MARK1: variants seen among roughly 807,000 people sequenced by gnomAD.
MARK1 encodes the protein microtubule affinity regulating kinase 1, also known as serine/threonine-protein kinase MARK1.
A neutral mutation model predicts 96.3 loss-of-function variants in MARK1; 40 were observed. The observed-to-expected ratio is 0.42, with a 90% CI of 0.32 to 0.54. The LOEUF (loss-of-function observed/expected upper bound fraction) is 0.54. Ranked by LOEUF, MARK1 falls within the 20% of genes least tolerant of loss-of-function variation. The pLI is 0.16. For synonymous variants in MARK1, 317 were observed against 341.2 expected (o/e 0.93, Z 0.78); for missense variants, 719 against 984.6 (o/e 0.73, Z 3.61).
intron 9 of MARK1, chr1:220,626,119 A>T: frequency 1.6e-6 from 1 of 617,264 alleles, no homozygotes; most frequent in Non-Finnish European, 3.1e-6. Flanking sequence ...TAAGCAGCAG[A>T]TAGACATCGC....
At chr1:220,545,772 C>G (rs1661450736) in intron 1 of MARK1, among the ~76,000 whole-genome samples, 1 of 152,120 alleles carries the variant, frequency 6.6e-6, no homozygotes, top group South Asian at 2.1e-4. Context: ...TTTATATACA[C>G]TTTATCTGGC....
chr1:220,626,065 C>T (rs892854006), intron 9 of MARK1: 1 of 582,256 alleles, frequency 1.7e-6, no homozygotes, highest in Non-Finnish European at 3.3e-6. Context: ...TGAATTCTTA[C>T]AGTTGTCTAC....
At position 220,610,028 on chromosome 1, in the gene MARK1, T is replaced by G. The variant is rs139135478; in HGVS notation, c.495+5891T>G. Among the ~76,000 whole-genome samples, 6 of 152,338 alleles carry G rather than the reference T, an allele frequency of 3.9e-5. 1 individual carries two copies. In the East Asian group the frequency reaches 9.6e-4, roughly 24 times the overall value. On this transcript the variant is annotated intron_variant, in intron 6 of 17. Transcript: ENST00000366917. The stretch of plus-strand genomic sequence containing the variant: ...TTGGTGAATCTGACAATTATGTGTC[T>G]TGGGGTTGTTCTTCTCAAGGAGTAT...
intron 9 of MARK1, among the ~76,000 whole-genome samples, chr1:220,619,134 A>G (rs1449023090): frequency 6.6e-6 from 1 of 152,226 alleles, no homozygotes; most frequent in East Asian, 1.9e-4. Context: ...TGAAAATTCT[A>G]ATCTAATGAA....
intron 1 of MARK1, among the ~76,000 whole-genome samples, chr1:220,558,612 C>A (rs1662455092): frequency 6.6e-6 from 1 of 151,646 alleles, no homozygotes; most frequent in South Asian, 2.1e-4. Context: ...AAGGCCATTA[C>A]CCTAAATAAT....
intron 10 of MARK1, 72 bp downstream of exon 10, chr1:220,631,206 G>C (rs1237741504): frequency 1.1e-6 from 1 of 893,260 alleles, no homozygotes; most frequent in Non-Finnish European, 1.8e-6. Flanking sequence ...TGCCAAAATA[G>C]TGTTTAAGAG....
At chr1:220,590,459 CTT>C (rs1305493677) in intron 3 of MARK1, among the ~76,000 whole-genome samples, 1 of 152,102 alleles carries the variant, frequency 6.6e-6, no homozygotes, top group South Asian at 2.1e-4. Flanking sequence ...ATTTCTCCCT[CTT>C]TTTAGGACAC....
At chr1:220,533,447 C>T (rs1339530049) in intron 1 of MARK1, among the ~76,000 whole-genome samples, 1 of 151,808 alleles carries the variant, frequency 6.6e-6, no homozygotes, top group African/African-American at 2.4e-5. Context: ...TATTATTTTT[C>T]CTCTTCCATC....
At chr1:220,657,724 G>A in intron 16 of MARK1, 66 bp from the exon 17 acceptor site, 2 of 1,153,000 alleles carry the variant, frequency 1.7e-6, no homozygotes, top group South Asian at 3.2e-5. Context: ...AATAATTTTA[G>A]ATATAGGTTT....
intron 14 of MARK1, among the ~76,000 whole-genome samples, chr1:220,651,673 G>T (rs1239666353): frequency 6.6e-6 from 1 of 152,116 alleles, no homozygotes; most frequent in East Asian, 1.9e-4. Context: ...AATGACTCCA[G>T]TCATAATAAT....
chr1:220,536,781 A>G (rs1270713314), intron 1 of MARK1, among the ~76,000 whole-genome samples: 1 of 152,148 alleles, frequency 6.6e-6, no homozygotes, highest in Admixed American at 6.5e-5. Flanking sequence ...AGGTTTCGCC[A>G]TGTTGGCCAG....
intron 1 of MARK1, among the ~76,000 whole-genome samples, chr1:220,538,856 T>G (rs1660914247): frequency 6.7e-6 from 1 of 150,170 alleles, no homozygotes; most frequent in Non-Finnish European, 1.5e-5. Context: ...CACTCATGAT[T>G]TGGCTCTCTG....
intron 17 of MARK1, among the ~76,000 whole-genome samples, chr1:220,661,366 G>A (rs535750763): frequency 1.1e-4 from 17 of 152,184 alleles, no homozygotes; most frequent in Admixed American, 2.6e-4. Flanking sequence ...CCAGGTAAAC[G>A]AATTATCTTT....
chr1:220,630,517 T>C (rs1252132337), intron 9 of MARK1, among the ~76,000 whole-genome samples: 2 of 152,174 alleles, frequency 1.3e-5, no homozygotes, highest in Non-Finnish European at 2.9e-5. Context: ...TTCCTAACTC[T>C]AGACTTAAAT....
Position 220,622,140 on chromosome 1 carries a change from T to C in MARK1, c.909+3385T>C, listed in dbSNP as rs553571694. 8.5e-5 allele frequency among the ~76,000 whole-genome samples: 13 copies of C among 152,332 alleles called. No homozygotes were observed. The South Asian group carries it at 2.7e-3, about 32-fold the overall frequency. ...ATTTTAAACGGATTTGTGCTTTATGTTGTACACTAGGGTTTTTTTTAACCC... is the reference window on the plus strand; with the variant it reads ...ATTTTAAACGGATTTGTGCTTTATGCTGTACACTAGGGTTTTTTTTAACCC... On this transcript the variant is annotated intron_variant, in intron 9 of 17. Transcript: ENST00000366917.
chr1:220,629,420 C>G (rs560087081), intron 9 of MARK1, among the ~76,000 whole-genome samples: 1 of 149,090 alleles, frequency 6.7e-6, no homozygotes, highest in Admixed American at 6.7e-5. Context: ...TCAACAACTT[C>G]TAAGTGTGTA....
intron 1 of MARK1, among the ~76,000 whole-genome samples, chr1:220,545,265 GA>G (rs904472785): frequency 2.6e-5 from 4 of 152,168 alleles, no homozygotes; most frequent in African/African-American, 9.7e-5. Flanking sequence ...GGCCTGGCTT[GA>G]GATTAGGCAG....
intron 2 of MARK1, among the ~76,000 whole-genome samples, chr1:220,580,096 C>T (rs1206877593): frequency 6.6e-6 from 1 of 151,724 alleles, no homozygotes; most frequent in Non-Finnish European, 1.5e-5. Context: ...GTATATATAC[C>T]TGTATGCTAG....
At chr1:220,578,245 A>G (rs1178454000) in intron 1 of MARK1, among the ~76,000 whole-genome samples, 1 of 152,240 alleles carries the variant, frequency 6.6e-6, no homozygotes, top group East Asian at 1.9e-4. Flanking sequence ...TTTTCACAAA[A>G]ACTGCTAGAA....
Sources: allele counts gnomAD v4.1 joint callset (sites outside exome capture counted in the v4.1 genomes callset), GRCh38; gene constraint gnomAD v4.1.1; transcripts MANE v1.5; gene names NCBI Gene and HGNC (gene_info 2026-07-23, HGNC 2026-07-21).